Variants in BACE2 observed in about 807,000 individuals in gnomAD.
The protein encoded by BACE2 is beta-secretase 2, also known as 56 kDa aspartic-like protease.
In BACE2, 17 loss-of-function variants were observed where a neutral mutation model predicts 46.2. That is an observed-to-expected ratio of 0.37 (90% CI 0.25 to 0.55). The LOEUF (loss-of-function observed/expected upper bound fraction) is 0.55. BACE2 is among the 20% of genes least tolerant of loss of function. BACE2 has a pLI of 0.82. For missense variants in BACE2, 595 were observed against 698.1 expected, an observed-to-expected ratio of 0.85 and a Z score of 1.66; for synonymous variants, 277 against 295.9, an observed-to-expected ratio of 0.94 and a Z score of 0.66.
chr21:41,237,797 G>A, intron 3 of BACE2, 68 bp downstream of exon 3: 1 of 1,334,590 alleles, frequency 7.5e-7, no homozygotes, highest in Non-Finnish European at 1.1e-6. Flanking sequence ...AGTCATTAAA[G>A]GGCTGACACA....
At chr21:41,213,359 A>G (rs1199519691) in intron 1 of BACE2, among the ~76,000 whole-genome samples, 1 of 152,236 alleles carries the variant, frequency 6.6e-6, no homozygotes, top group African/African-American at 2.4e-5. Flanking sequence ...CTCAAAGGCA[A>G]CAGCCTTTGT....
At chr21:41,173,753 A>G (rs1984688949) in intron 1 of BACE2, among the ~76,000 whole-genome samples, 1 of 152,194 alleles carries the variant, frequency 6.6e-6, no homozygotes, top group Non-Finnish European at 1.5e-5. Flanking sequence ...CTCGAAAAAA[A>G]GAATTTAAAA....
chr21:41,219,305 G>A (rs1322458890), intron 1 of BACE2, among the ~76,000 whole-genome samples: 1 of 152,186 alleles, frequency 6.6e-6, no homozygotes, highest in Non-Finnish European at 1.5e-5. Flanking sequence ...TGTAAAGCTT[G>A]CAGTTCACCA....
At chr21:41,217,805 A>C (rs2123558581) in intron 1 of BACE2, among the ~76,000 whole-genome samples, 1 of 152,370 alleles carries the variant, frequency 6.6e-6, no homozygotes, top group East Asian at 1.9e-4. Context: ...CAAGCCTTGA[A>C]GATGGACGGA....
chr21:41,242,515 G>A (rs1023067582), intron 4 of BACE2, among the ~76,000 whole-genome samples: 2 of 152,150 alleles, frequency 1.3e-5, no homozygotes, highest in Admixed American at 6.5e-5. Context: ...GCACTAGAAG[G>A]GGGTGCTGCC....
chr21:41,262,556 C>T (rs1441127482), intron 8 of BACE2, among the ~76,000 whole-genome samples: 1 of 152,026 alleles, frequency 6.6e-6, no homozygotes, highest in African/African-American at 2.4e-5. Context: ...CCTGAAAAAC[C>T]CTGTTGGGAT....
chr21:41,235,656 A>G (rs754394298), intron 2 of BACE2, among the ~76,000 whole-genome samples: 33 of 152,180 alleles, frequency 2.2e-4, no homozygotes, highest in Admixed American at 4.6e-4. Flanking sequence ...GGGCAATATA[A>G]TGAGACCCTG....
intron 1 of BACE2, among the ~76,000 whole-genome samples, chr21:41,202,403 C>G (rs1447231365): frequency 1.3e-5 from 2 of 152,218 alleles, no homozygotes; most frequent in Non-Finnish European, 2.9e-5. Context: ...AGGAAACATT[C>G]TACACTCAAC....
chr21:41,192,230 T>C (rs1391429481), intron 1 of BACE2, among the ~76,000 whole-genome samples: 1 of 152,202 alleles, frequency 6.6e-6, no homozygotes, highest in East Asian at 1.9e-4. Context: ...TCTCTTCCTC[T>C]GTCAGCTGAT....
chr21:41,274,100 A>C (rs2088460787), intron 8 of BACE2, among the ~76,000 whole-genome samples: 1 of 152,030 alleles, frequency 6.6e-6, no homozygotes, highest in South Asian at 2.1e-4. Context: ...CCATGTAAAG[A>C]CACAGCAAGA....
intron 1 of BACE2, among the ~76,000 whole-genome samples, chr21:41,173,019 T>A (rs1984661010): frequency 6.6e-6 from 1 of 152,154 alleles, no homozygotes; most frequent in Admixed American, 6.5e-5. Flanking sequence ...CCTCTCTTCT[T>A]ATAAGGAGAC....
chr21:41,179,477 G>A, intron 1 of BACE2: 1 of 1,338,068 alleles, frequency 7.5e-7, no homozygotes, highest in Non-Finnish European at 9.9e-7. Context: ...TGCAGAGTGA[G>A]GTGTCCAGGG....
At chr21:41,198,849 TTTTATTTA>T (rs3838112) in intron 1 of BACE2, among the ~76,000 whole-genome samples, 2,829 of 140,098 alleles carry the variant, frequency 0.02, 52 homozygotes, top group Non-Finnish European at 0.028. Flanking sequence ...TCTGTACGCT[TTTTATTTA>T]TTTATTTATT....
chr21:41,212,506 G>T (rs1032545441), intron 1 of BACE2, among the ~76,000 whole-genome samples: 1 of 152,206 alleles, frequency 6.6e-6, no homozygotes. Flanking sequence ...CTGGTAGGGG[G>T]CAGGAAAGTG....
Position 41,226,281 on chromosome 21 carries a change from G to T in BACE2, c.328G>T (p.Asp110Tyr). 1 of 1,612,118 alleles carries T rather than the reference G, an allele frequency of 6.2e-7. No homozygotes were observed. The highest frequency in any genetic ancestry group is 1.1e-5 in the South Asian group (1 of 90,646). The change falls in exon 2 of 9, where the codon GAC (aspartate) becomes TAC (tyrosine). Residue 110 changes from aspartate to tyrosine, a missense_variant. Transcript: ENST00000330333. The part of the protein sequence containing the change: ...TPPQKLQILV[D>Y]TGSSNFAVAG... Reference sequence around the variant, plus strand: ...AACATAAAAGCTACAGATTCTCGTTGACACTGGAAGCAGTAACTTTGCCGT... The same window carrying T: ...AACATAAAAGCTACAGATTCTCGTTTACACTGGAAGCAGTAACTTTGCCGT...
intron 1 of BACE2, chr21:41,185,373 G>T (rs1322812573): frequency 6.6e-6 from 1 of 152,206 alleles, no homozygotes; most frequent in African/African-American, 2.4e-5. Context: ...CTGACTTGCT[G>T]AAGAACCTAC....
At chr21:41,229,628 C>T (rs1333594112) in intron 2 of BACE2, among the ~76,000 whole-genome samples, 1 of 148,958 alleles carries the variant, frequency 6.7e-6, no homozygotes, top group African/African-American at 2.6e-5. Context: ...AATATTTCAT[C>T]AACCGTAGAC....
chr21:41,212,830 C>T (rs1360122275), intron 1 of BACE2, among the ~76,000 whole-genome samples: 1 of 152,216 alleles, frequency 6.6e-6, no homozygotes, highest in Non-Finnish European at 1.5e-5. Flanking sequence ...TCTCTGCTGT[C>T]TTCTCGCTTC....
In BACE2 at chr21:41,282,108, G is replaced by C. The variant is rs1454039831; in HGVS notation, c.*6484G>C. ...GTGCTAGAGTCAGTATTTTGCTTCT[G>C]GCAGGAGAGCTGCAAACTGTGTATC... On this transcript the variant is annotated 3_prime_UTR_variant, in exon 9 of 9. Coordinates refer to ENST00000330333, the MANE Select transcript of BACE2 (RefSeq NM_012105.5). 6.6e-6 allele frequency: 1 copy of C among 152,132 alleles called. No individual in the cohort carries two copies. The highest frequency in any genetic ancestry group is 1.5e-5 in the Non-Finnish European group (1 of 68,022). The allele number at this position is 152,132 out of a possible 1,614,324, so 9.4% of individuals were successfully genotyped here. A position where few individuals can be genotyped will look rare whatever the true frequency, so the allele number is the denominator to read the frequency against.
Sources: gnomAD v4.1 joint callset for allele counts (sites outside exome capture counted in the v4.1 genomes callset) on GRCh38, gnomAD v4.1.1 for gene constraint, MANE v1.5 for transcripts, NCBI Gene and HGNC (gene_info 2026-07-23, HGNC 2026-07-21) for gene names.